Variants in ABCA2 observed in about 807,000 individuals in gnomAD.
The protein encoded by ABCA2 is ATP binding cassette subfamily A member 2.
ABCA2 carries 84 observed loss-of-function variants against 262.8 expected under a neutral mutation model. The ratio of observed to expected loss-of-function variants is 0.32; its 90% CI spans 0.27 to 0.38. The LOEUF (loss-of-function observed/expected upper bound fraction) is 0.38, where lower values mean the gene tolerates loss of function less well. ABCA2 is among the 10% of genes least tolerant of loss of function. ABCA2 has a pLI of 1.00. For synonymous variants in ABCA2, 1,696 were observed against 1,502.9 expected (o/e 1.13, Z -2.97); for missense variants, 2,662 against 3,405.9 (o/e 0.78, Z 5.44).
At chr9:137,027,121 C>A (rs1564235014) in intron 1 of ABCA2, among the ~76,000 whole-genome samples, 2 of 152,232 alleles carry the variant, frequency 1.3e-5, no homozygotes, top group African/African-American at 4.8e-5. Flanking sequence ...CCTTAGGCCC[C>A]CACCTGCTCT....
At chr9:137,022,329 C>A in intron 6 of ABCA2, 22 bp downstream of exon 6, 2 of 1,580,636 alleles carry the variant, frequency 1.3e-6, no homozygotes. Flanking sequence ...GTGGCCAGGG[C>A]TGGGAGCTGT....
At position 137,010,190 on chromosome 9, in the gene ABCA2, C is replaced by A. The variant is rs1830983994; in HGVS notation, c.6353+3G>T. 6.2e-7 allele frequency: 1 copy of A among 1,600,924 alleles called. No individual in the cohort carries two copies. The highest frequency in any genetic ancestry group is 2.2e-5 in the East Asian group (1 of 44,664). On this transcript the variant is annotated splice_donor_region_variant and intron_variant, in intron 41 of 48. Coordinates refer to ENST00000341511, the MANE Select transcript of ABCA2 (RefSeq NM_001606.5). ...CCCCGCCCACCCAGGGCTCCCGCCC[C>A]ACCTGTGTCCATTGACGAAGGCCTC... is the stretch of plus-strand genomic sequence containing the variant.
rs548366384 is a variant in ABCA2 at position 137,007,891 on chromosome 9, T to C, written c.*38A>G. ...GAGTCCCTGGCCCAGCTCTGGGTGG[T>C]CAGTGGAGCGTGTCCTCCCTGGCCC... On this transcript the variant is annotated 3_prime_UTR_variant, in exon 49 of 49. Coordinates refer to ENST00000341511, the MANE Select transcript of ABCA2 (RefSeq NM_001606.5). 1.7e-5 allele frequency: 27 copies of C among 1,603,004 alleles called. 1 individual carries two copies. In the South Asian group the frequency reaches 2.0e-4, roughly 12 times the overall value.
At position 137,025,487 on chromosome 9, in the gene ABCA2, G is replaced by A. The variant is rs990368539; in HGVS notation, c.67-1251C>T. ...GCTGTGTGGCCCGGGCCGAGTCCCC[G>A]GTCCCTGGGGTGGGGGCGGCTGCTG... On this transcript the variant is annotated intron_variant, in intron 1 of 48. Coordinates refer to ENST00000341511, the MANE Select transcript of ABCA2 (RefSeq NM_001606.5). Among the ~76,000 whole-genome samples the A allele has an allele frequency of 2.6e-5, 4 of 152,342 alleles. No individual in the cohort carries two copies. The East Asian group carries it at 5.8e-4, about 22-fold the overall frequency.
Position 137,008,992 on chromosome 9 carries a change from C to T in ABCA2, c.6889G>A (p.Val2297Met). The T allele has an allele frequency of 6.2e-7, 1 of 1,608,682 alleles. No homozygotes were observed. The change falls in exon 46 of 49, where the codon GTG becomes ATG. Residue 2297 changes from valine (V) to methionine (M), a missense_variant. Coordinates refer to ENST00000341511, the MANE Select transcript of ABCA2 (RefSeq NM_001606.5). Reference sequence around the variant, plus strand: ...GGGAAGTTGCGGTTGAAGAACCGCACCACGTCCTTCACACTCTGGCTGCTC... The same window carrying T: ...GGGAAGTTGCGGTTGAAGAACCGCATCACGTCCTTCACACTCTGGCTGCTC... ...TKSSQSVKDV[V>M]RFFNRNFPEA... is the part of the protein sequence containing the mutation.
chr9:137,021,957 C>T lies in ABCA2; in HGVS notation c.612G>A (p.Gln204=). 6.2e-7 allele frequency: 1 copy of T among 1,603,738 alleles called. No homozygotes were observed. Among genetic ancestry groups the T allele is most frequent in the Non-Finnish European group, 8.5e-7 (1 of 1,176,692 alleles). Reference sequence around the variant, plus strand: ...GCTCCTGACCCTTGTGGAGGCCAGACTGTGAATCCAGGGCAGATGAGGGAC... The same window carrying T: ...GCTCCTGACCCTTGTGGAGGCCAGATTGTGAATCCAGGGCAGATGAGGGAC... ...LFGPSSALDS[Q]SGLHKGQEPW... Residue 204 remains glutamine (Q), a synonymous_variant, in exon 7 of 49, where the codon CAG becomes CAA. Transcript: ENST00000341511. The surrounding 1 kb of genome is among the most constrained non-coding windows in gnomAD (Gnocchi z 6.0).
intron 31 of ABCA2, 31 bp from the exon 32 acceptor site, chr9:137,012,621 C>T (rs1453047719): frequency 6.2e-7 from 1 of 1,610,394 alleles, no homozygotes; most frequent in Middle Eastern, 1.7e-4. Flanking sequence ...GGCGGTGAGG[C>T]TAGGCAGGCA....
chr9:137,016,109 C>A lies in ABCA2; in HGVS notation c.3170G>T (p.Arg1057Leu). Reference sequence around the variant, plus strand: ...CTTGCGGATCTCATCCATCTCCGTGCGGATGTCGTGCCCGTAGATGGTGGC... The same window carrying A: ...CTTGCGGATCTCATCCATCTCCGTGAGGATGTCGTGCCCGTAGATGGTGGC... ...GSATIYGHDI[R>L]TEMDEIRKNL... The change falls in exon 22 of 49, where the codon CGC becomes CTC. Residue 1057 changes from arginine (R) to leucine (L), a missense_variant. Transcript: ENST00000341511. 1 of 1,612,816 alleles carries A rather than the reference C, an allele frequency of 6.2e-7. No homozygotes were observed. The highest frequency in any genetic ancestry group is 8.5e-7 in the Non-Finnish European group (1 of 1,180,004).
At chr9:137,016,759 G>T (rs1340224431) in intron 19 of ABCA2, 21 bp from the exon 20 acceptor site, 1 of 1,540,590 alleles carries the variant, frequency 6.5e-7, no homozygotes, top group East Asian at 2.3e-5. Context: ...GGGAGGGGAG[G>T]GGAGGCTGAC....
intron 1 of ABCA2, among the ~76,000 whole-genome samples, chr9:137,025,780 C>T (rs938984089): frequency 3.5e-4 from 53 of 152,194 alleles, no homozygotes; most frequent in African/African-American, 5.5e-4. Context: ...GCAACAGGCC[C>T]GGCTGCCTCC....
At position 137,024,448 on chromosome 9, in the gene ABCA2, G is replaced by T. The variant is rs556923377; in HGVS notation, c.67-212C>A. Among the ~76,000 whole-genome samples, 11 of 152,324 alleles carry T rather than the reference G, an allele frequency of 7.2e-5. No individual in the cohort carries two copies. The East Asian group carries it at 1.9e-3, about 27-fold the overall frequency. On this transcript the variant is annotated intron_variant, in intron 1 of 48. Transcript: ENST00000341511. ...TCTGGCTCAGCAAATCAGGTTTCCCGTCCCCAGCCCACACTGGGCCTACGT... is the reference window on the plus strand; with the variant it reads ...TCTGGCTCAGCAAATCAGGTTTCCCTTCCCCAGCCCACACTGGGCCTACGT...
chr9:137,007,350 T>TG lies in ABCA2; in HGVS notation c.*578dup, dbSNP rs992103237. ...TGGGAGAGCGATGGCAGCTGGGGGT[T>TG]GGGGGGGGTCTGGCCCCTTGCCTGG... On this transcript the variant is annotated 3_prime_UTR_variant, in exon 49 of 49. Coordinates refer to ENST00000341511, the MANE Select transcript of ABCA2 (RefSeq NM_001606.5). The TG allele has an allele frequency of 3.2e-5, 5 of 157,096 alleles. No homozygotes were observed. Among genetic ancestry groups the TG allele is most frequent in the African/African-American group, 7.3e-5 (3 of 40,952 alleles). The allele number at this position is 157,096 out of a possible 1,614,324, so 9.7% of individuals were successfully genotyped here.
intron 3 of ABCA2, chr9:137,023,403 G>A (rs1831546566): frequency 1.4e-6 from 1 of 710,908 alleles, no homozygotes; most frequent in Middle Eastern, 2.4e-4. Context: ...CCCAGGGGAG[G>A]ACAAAGGACC....
chr9:137,023,759 G>A (rs1347999541), intron 3 of ABCA2, 79 bp downstream of exon 3: 3 of 719,586 alleles, frequency 4.2e-6, no homozygotes, highest in South Asian at 3.0e-5. Context: ...AAGCGGGGAG[G>A]GCGCTCAAGC....
rs192905485 is a variant in ABCA2 at position 137,021,084 on chromosome 9, G to A, written c.898-23C>T. 6.7e-4 allele frequency: 977 copies of A among 1,465,386 alleles called. 4 individuals are homozygous for A. In the African/African-American group the frequency reaches 0.013, roughly 19 times the overall value. 90.8% of individuals were successfully genotyped at this position (1,465,386 alleles called of 1,614,324 possible). A position where few individuals can be genotyped will look rare whatever the true frequency, so the allele number is the denominator to read the frequency against. On this transcript the variant is annotated intron_variant, in intron 8 of 48. Transcript: ENST00000341511. This position sits in a 1 kb window ranked among gnomAD's most constrained non-coding sequence, Gnocchi z 6.0. ...CAGCTGAGGGGAAACAGGCACGTGG[G>A]CAGTGCGGGGTGAGATGGACTGCAG...
At position 137,013,856 on chromosome 9, in the gene ABCA2, C is replaced by T. The variant is rs1255920314; in HGVS notation, c.4423G>A (p.Val1475Met). ...PAFFVCVAMT[V>M]ALSVPEIGDL... ...CCAATCTCCGGGACGGACAGGGCCA[C>T]GGTCATGGCCACGCAGACGAAGAAG... is the stretch of plus-strand genomic sequence containing the variant. Residue 1475 changes from valine to methionine, a missense_variant, in exon 28 of 49, where the codon GTG becomes ATG. By Grantham distance (21) the Val-to-Met change is conservative. Transcript: ENST00000341511. 8 of 1,610,212 alleles carry T rather than the reference C, an allele frequency of 5.0e-6. No homozygotes were observed. The highest frequency in any genetic ancestry group is 2.7e-5 in the African/African-American group (2 of 74,960).
chr9:137,021,443 C>T lies in ABCA2; in HGVS notation c.846G>A (p.Gly282=). ...QAAARARRFS[G]LSAELRNQLD... is the part of the protein sequence containing the mutation. Reference sequence around the variant, plus strand: ...GCTGGTTCCGGAGCTCAGCAGACAGCCCAGAGAAGCGCCTGGCACGCGCAG... The same window carrying T: ...GCTGGTTCCGGAGCTCAGCAGACAGTCCAGAGAAGCGCCTGGCACGCGCAG... The change falls in exon 8 of 49, where the codon GGG becomes GGA. Residue 282 remains glycine (G), a synonymous_variant. Coordinates refer to ENST00000341511, the MANE Select transcript of ABCA2 (RefSeq NM_001606.5). The surrounding 1 kb of genome is among the most constrained non-coding windows in gnomAD (Gnocchi z 6.0). 6.2e-7 allele frequency: 1 copy of T among 1,611,730 alleles called. No individual in the cohort carries two copies. Among genetic ancestry groups the T allele is most frequent in the Non-Finnish European group, 8.5e-7 (1 of 1,179,866 alleles).
chr9:137,010,279 G>A lies in ABCA2; in HGVS notation c.6267C>T (p.Val2089=). The A allele has an allele frequency of 6.3e-7, 1 of 1,596,744 alleles. No individual in the cohort carries two copies. Among genetic ancestry groups the A allele is most frequent in the Non-Finnish European group, 8.5e-7 (1 of 1,172,818 alleles). Residue 2089 remains valine, a synonymous_variant, in exon 41 of 49, where the codon GTC becomes GTT. Coordinates refer to ENST00000341511, the MANE Select transcript of ABCA2 (RefSeq NM_001606.5). ...AGGTGCTGGTCTTGCCCGCACCGTT[G>A]ACGCCCAGGAGCCCGAAGCACTCGC... The part of the protein sequence containing the change: ...RPGECFGLLG[V]NGAGKTSTFK...
chr9:137,022,788 C>G lies in ABCA2; in HGVS notation c.353G>C (p.Gly118Ala), dbSNP rs1256146533. Residue 118 changes from glycine to alanine, a missense_variant, in exon 5 of 49, where the codon GGC (glycine) becomes GCC (alanine). By Grantham distance (60) the Gly-to-Ala change is moderately conservative (BLOSUM62 0). Transcript: ENST00000341511. ...NLFDPARPSL[G>A]SELEALRQHL... ...CTGGCGTAGGGCCTCGAGCTCTGAG[C>G]CCAGGCTGGGCCGCGCTGGGTCAAA... 1.9e-6 allele frequency: 3 copies of G among 1,598,584 alleles called. No homozygotes were observed. In the South Asian group the frequency reaches 3.4e-5, roughly 18 times the overall value.
Sources: gnomAD v4.1 joint callset for allele counts (sites outside exome capture counted in the v4.1 genomes callset) on GRCh38, gnomAD v4.1.1 for gene constraint, Gnocchi (gnomAD v3.1) non-coding constraint, MANE v1.5 for transcripts, NCBI Gene and HGNC (gene_info 2026-07-23, HGNC 2026-07-21) for gene names.